CAMTA1: variants seen among roughly 807,000 people sequenced by gnomAD.
CAMTA1 encodes the protein calmodulin-binding transcription activator 1.
In CAMTA1, 27 loss-of-function variants were observed where a neutral mutation model predicts 170.9. The ratio of observed to expected loss-of-function variants is 0.16; its 90% confidence interval spans 0.12 to 0.22. The LOEUF is 0.22. CAMTA1 is among the 10% of genes least tolerant of loss of function. The pLI, the probability that CAMTA1 is intolerant of heterozygous loss-of-function variation, is 1.00. For missense variants in CAMTA1, 1,619 were observed against 2,217.2 expected, an observed-to-expected ratio of 0.73 and a Z score of 5.42; for synonymous variants, 833 against 891.5, an observed-to-expected ratio of 0.93 and a Z score of 1.17.
chr1:6,933,676 T>G (rs946151112), intron 3 of CAMTA1, among the ~76,000 whole-genome samples: 7 of 152,168 alleles, frequency 4.6e-5, no homozygotes, highest in African/African-American at 1.7e-4. Flanking sequence ...CATTTTTTTT[T>G]TTTTTGCACG....
intron 5 of CAMTA1, among the ~76,000 whole-genome samples, chr1:7,404,163 A>G (rs2090121422): frequency 1.3e-5 from 2 of 151,914 alleles, no homozygotes; most frequent in Non-Finnish European, 2.9e-5. Flanking sequence ...AGAGATCCCC[A>G]CTCCCGACAC....
chr1:7,143,445 G>C (rs895594343), intron 4 of CAMTA1, among the ~76,000 whole-genome samples: 1 of 152,180 alleles, frequency 6.6e-6, no homozygotes, highest in African/African-American at 2.4e-5. Context: ...ATGACATTTT[G>C]CACACCCAGA....
chr1:7,289,500 A>G (rs1203972387), intron 5 of CAMTA1, among the ~76,000 whole-genome samples: 2 of 152,156 alleles, frequency 1.3e-5, no homozygotes, highest in Admixed American at 6.5e-5. Context: ...CTATAAAATG[A>G]GATGCCCCGG....
intron 10 of CAMTA1, among the ~76,000 whole-genome samples, chr1:7,671,704 C>A (rs970284641): frequency 5.3e-5 from 8 of 152,202 alleles, no homozygotes; most frequent in African/African-American, 1.4e-4. Flanking sequence ...GCTCAAAAAT[C>A]CCCCAAGAAA....
At chr1:7,559,534 C>G (rs533313096) in intron 6 of CAMTA1, among the ~76,000 whole-genome samples, 1 of 152,220 alleles carries the variant, frequency 6.6e-6, no homozygotes, top group African/African-American at 2.4e-5. Context: ...GCCTGCCTGC[C>G]GACTTGGTGT....
At chr1:6,923,179 G>T (rs982677508) in intron 3 of CAMTA1, among the ~76,000 whole-genome samples, 1 of 152,176 alleles carries the variant, frequency 6.6e-6, no homozygotes, top group Non-Finnish European at 1.5e-5. Flanking sequence ...TTGTGCACTT[G>T]TTGAGCGCTT....
intron 6 of CAMTA1, among the ~76,000 whole-genome samples, chr1:7,535,564 G>A (rs1312187352): frequency 6.6e-6 from 1 of 152,230 alleles, no homozygotes; most frequent in Non-Finnish European, 1.5e-5. Flanking sequence ...CTGTACCCGG[G>A]AAACCTCAGC....
intron 5 of CAMTA1, among the ~76,000 whole-genome samples, chr1:7,346,910 C>T (rs2084264606): frequency 6.6e-6 from 1 of 152,178 alleles, no homozygotes; most frequent in African/African-American, 2.4e-5. Flanking sequence ...CAGAGAGTCC[C>T]AGCTACACTC....
intron 5 of CAMTA1, among the ~76,000 whole-genome samples, chr1:7,399,325 G>A (rs1371175238): frequency 1.3e-5 from 2 of 152,066 alleles, no homozygotes; most frequent in African/African-American, 4.8e-5. Flanking sequence ...TTTCCTTCCT[G>A]CCATGAGTGG....
intron 3 of CAMTA1, among the ~76,000 whole-genome samples, chr1:6,873,612 G>A (rs1341875267): frequency 1.3e-5 from 2 of 152,218 alleles, no homozygotes; most frequent in Non-Finnish European, 2.9e-5. Flanking sequence ...AGTAGCAGCT[G>A]AAGAGAAATT....
intron 11 of CAMTA1, among the ~76,000 whole-genome samples, chr1:7,720,512 G>T (rs990599998): frequency 6.6e-6 from 1 of 152,080 alleles, no homozygotes; most frequent in Non-Finnish European, 1.5e-5. Flanking sequence ...CTCCTGAGTG[G>T]CTAGGACTAC....
Position 7,456,711 on chromosome 1 carries a change from C to T in CAMTA1, c.439-11119C>T, listed in dbSNP as rs533048614. ...ACGAAAGGTGCAGGTCTCCAGCTCCCGCTTGGCTGGGCCTGTGCAGGGTGA... is the reference window on the plus strand; with the variant it reads ...ACGAAAGGTGCAGGTCTCCAGCTCCTGCTTGGCTGGGCCTGTGCAGGGTGA... On this transcript the variant is annotated intron_variant, in intron 5 of 22. Transcript: ENST00000303635. This position sits in a 1 kb window ranked among gnomAD's most constrained non-coding sequence, Gnocchi z 4.9. 7.4e-4 allele frequency among the ~76,000 whole-genome samples: 113 copies of T among 152,344 alleles called. No individual in the cohort carries two copies. The highest frequency in any genetic ancestry group is 2.3e-3 in the African/African-American group (97 of 41,582).
At chr1:7,312,763 A>T (rs570448574) in intron 5 of CAMTA1, among the ~76,000 whole-genome samples, 3 of 151,566 alleles carry the variant, frequency 2.0e-5, no homozygotes, top group African/African-American at 2.4e-5. Flanking sequence ...TTATTTATTT[A>T]TTTTTTCCAC....
intron 5 of CAMTA1, among the ~76,000 whole-genome samples, chr1:7,298,802 A>G (rs1445643833): frequency 6.6e-6 from 1 of 152,182 alleles, no homozygotes; most frequent in Non-Finnish European, 1.5e-5. Flanking sequence ...GCACTCAGGG[A>G]CCATTTCAGA....
In CAMTA1 at chr1:7,251,420, C is replaced by A. The variant is rs956704191; in HGVS notation, c.438+1794C>A. On this transcript the variant is annotated intron_variant, in intron 5 of 22. Transcript: ENST00000303635. This position sits in a 1 kb window ranked among gnomAD's most constrained non-coding sequence, Gnocchi z 5.1. ...CAGAACTTCGGGAAAGGGAGACGGG[C>A]AGGATGGGGAGGGGTTTCCATGACC... 1.3e-5 allele frequency among the ~76,000 whole-genome samples: 2 copies of A among 152,106 alleles called. No individual in the cohort carries two copies. Among genetic ancestry groups the A allele is most frequent in the African/African-American group, 4.8e-5 (2 of 41,402 alleles).
intron 3 of CAMTA1, among the ~76,000 whole-genome samples, chr1:7,058,916 T>C (rs1707796799): frequency 6.6e-6 from 1 of 152,056 alleles, no homozygotes; most frequent in African/African-American, 2.4e-5. Flanking sequence ...CTTTCTTTCC[T>C]GTTGGGTGTT....
intron 5 of CAMTA1, among the ~76,000 whole-genome samples, chr1:7,372,765 A>G (rs550703613): frequency 3.3e-5 from 5 of 152,346 alleles, no homozygotes; most frequent in Non-Finnish European, 5.9e-5. Context: ...TGATGCACAG[A>G]GAGATGAGAC....
At chr1:6,986,553 C>G (rs1226563653) in intron 3 of CAMTA1, among the ~76,000 whole-genome samples, 1 of 152,104 alleles carries the variant, frequency 6.6e-6, no homozygotes, top group Non-Finnish European at 1.5e-5. Context: ...GTGGGAAAAT[C>G]TTGAGGAAGG....
At chr1:7,382,892 G>T (rs1048382550) in intron 5 of CAMTA1, among the ~76,000 whole-genome samples, 2 of 151,982 alleles carry the variant, frequency 1.3e-5, no homozygotes, top group Non-Finnish European at 2.9e-5. Flanking sequence ...AGCCTCAAAG[G>T]TTGAGTCTAG....
Sources: allele counts gnomAD v4.1 joint callset (sites outside exome capture counted in the v4.1 genomes callset), GRCh38; gene constraint gnomAD v4.1.1; non-coding constraint Gnocchi (gnomAD v3.1); transcripts MANE v1.5; gene names NCBI Gene and HGNC (gene_info 2026-07-23, HGNC 2026-07-21).